ASPM: variants seen among roughly 807,000 people sequenced by gnomAD.
The protein encoded by ASPM is abnormal spindle-like microcephaly-associated protein.
A neutral mutation model predicts 366.4 loss-of-function variants in ASPM; 256 were observed. That is an observed-to-expected ratio of 0.70 (90% CI 0.63 to 0.77). The LOEUF (loss-of-function observed/expected upper bound fraction) is 0.77. Among genes scored for constraint, ASPM ranks in the 30% least tolerant of loss-of-function variants. ASPM has a pLI of 0.00. For synonymous variants in ASPM, 1,414 were observed against 1,342.9 expected (o/e 1.05, Z -1.16); for missense variants, 4,146 against 4,090.4 (o/e 1.01, Z -0.37).
In ASPM at chr1:197,129,378, A is replaced by C. The variant is rs79301608; in HGVS notation, c.2630-61T>G. ...CTATGAAAGGTAGGTTTCATCTTAA[A>C]ATATGATAATAATAATAATAAGGTG... On this transcript the variant is annotated intron_variant, in intron 8 of 27. Transcript: ENST00000367409. 1.1e-3 allele frequency: 1,747 copies of C among 1,527,072 alleles called. 20 individuals are homozygous for C. In the African/African-American group the frequency reaches 0.022, roughly 19 times the overall value. 94.6% of individuals were successfully genotyped at this position (1,527,072 alleles called of 1,614,324 possible).
chr1:197,145,562 A>T (rs1571633064), intron 1 of ASPM, among the ~76,000 whole-genome samples: 3 of 152,270 alleles, frequency 2.0e-5, no homozygotes, highest in Admixed American at 2.0e-4. Context: ...CTCTAAGGGT[A>T]CATATGGAAA....
Position 197,102,481 on chromosome 1 carries a change from C to T in ASPM, c.6770G>A (p.Arg2257Lys). 6.2e-7 allele frequency: 1 copy of T among 1,612,648 alleles called. No homozygotes were observed. Among genetic ancestry groups the T allele is most frequent in the South Asian group, 1.1e-5 (1 of 91,050 alleles). The change falls in exon 18 of 28, where the codon AGA becomes AAA. Residue 2257 changes from arginine to lysine, a missense_variant. Around this residue, in one of 3 missense-constraint regions of ASPM, gnomAD observed 3,624 missense variants for 3,591.7 expected, o/e 1.01. Coordinates refer to ENST00000367409, the MANE Select transcript of ASPM (RefSeq NM_018136.5). The stretch of plus-strand genomic sequence containing the variant: ...GGCTATATGCATCATTTTTAAATGT[C>T]TTCTAGCTTTCTTTCCCCTAAAAAT... ...QAIFRGKKAR[R>K]HLKMMHIAAT... is the part of the protein sequence containing the mutation.
chr1:197,132,133 C>T (rs41314023), intron 7 of ASPM, 152 bp downstream of exon 7: 9,939 of 575,232 alleles, frequency 0.017, 114 homozygotes, highest in Non-Finnish European at 0.024. Flanking sequence ...CATTTATTAA[C>T]GGGTATTACA....
chr1:197,121,918 A>C lies in ASPM; in HGVS notation c.3867T>G (p.His1289Gln). 1.2e-6 allele frequency: 2 copies of C among 1,607,652 alleles called. No individual in the cohort carries two copies. The highest frequency in any genetic ancestry group is 1.7e-6 in the Non-Finnish European group (2 of 1,174,872). Residue 1289 changes from histidine (H) to glutamine (Q), a missense_variant, in exon 16 of 28, where the codon CAT (histidine) becomes CAG (glutamine). Transcript: ENST00000367409. ...TAGTTTCATATTCTAGGAGTACCTG[A>C]TGGCGTTTGAGATCTGTTTTTAGTT... is the stretch of plus-strand genomic sequence containing the variant. ...KYKLKTDLKR[H>Q]QEREKAARII...
chr1:197,142,235 A>C (rs1485747431), intron 3 of ASPM, 96 bp downstream of exon 3: 1 of 1,321,252 alleles, frequency 7.6e-7, no homozygotes, highest in Non-Finnish European at 1.1e-6. Flanking sequence ...ATAAGTAAAA[A>C]CTATAATACA....
intron 7 of ASPM, among the ~76,000 whole-genome samples, chr1:197,132,013 G>A (rs1243170746): frequency 6.6e-6 from 1 of 152,116 alleles, no homozygotes; most frequent in East Asian, 1.9e-4. Context: ...GTTTACTATA[G>A]TTGTCATTAC....
chr1:197,132,490 A>T, intron 6 of ASPM, 138 bp from the exon 7 acceptor site: 1 of 711,800 alleles, frequency 1.4e-6, no homozygotes, highest in Non-Finnish European at 2.4e-6. Flanking sequence ...AAATACACTT[A>T]TAGTCTTAAA....
intron 18 of ASPM, among the ~76,000 whole-genome samples, chr1:197,099,572 A>C (rs1316145338): frequency 6.6e-6 from 1 of 151,582 alleles, no homozygotes; most frequent in Non-Finnish European, 1.5e-5. Context: ...TGAAACATAC[A>C]CTTCTCATGT....
intron 25 of ASPM, among the ~76,000 whole-genome samples, 181 bp from the exon 26 acceptor site, chr1:197,088,613 A>AT (rs1476051894): frequency 3.9e-5 from 6 of 152,154 alleles, no homozygotes; most frequent in African/African-American, 1.4e-4. Flanking sequence ...CGGATCTATC[A>AT]TATATGTGTA....
At position 197,095,937 on chromosome 1, in the gene ASPM, TAAA is replaced by T. The variant is rs528051389; in HGVS notation, c.8987+58_8987+60del. On this transcript the variant is annotated intron_variant, in intron 19 of 27. Coordinates refer to ENST00000367409, the MANE Select transcript of ASPM (RefSeq NM_018136.5). ...AATCAATAAGCAGTGTTATTTTATG[TAAA>T]GACTTAGCTATCACACACAAATACT... The T allele has an allele frequency of 8.7e-4, 1,210 of 1,386,506 alleles. 1 individual carries two copies. The highest frequency in any genetic ancestry group is 1.4e-3 in the South Asian group (107 of 77,870). The allele number at this position is 1,386,506 out of a possible 1,614,324, so 85.9% of individuals were successfully genotyped here.
intron 16 of ASPM, among the ~76,000 whole-genome samples, chr1:197,118,383 G>T (rs897368720): frequency 1.1e-4 from 16 of 152,010 alleles, no homozygotes; most frequent in East Asian, 1.9e-4. Context: ...TTAGAGAATT[G>T]TAACAATTTG....
At position 197,089,360 on chromosome 1, in the gene ASPM, C is replaced by G. The variant is rs910164194; in HGVS notation, c.9984+570G>C. 6.6e-5 allele frequency among the ~76,000 whole-genome samples: 10 copies of G among 151,996 alleles called. 1 individual carries two copies. Among genetic ancestry groups the G allele is most frequent in the Admixed American group, 1.3e-4 (2 of 15,246 alleles). On this transcript the variant is annotated intron_variant, in intron 25 of 27. Transcript: ENST00000367409. ...AGGCCAAAAGACAAATTCTGATACA[C>G]AGATTAACAATTACAGAGTAACTAA...
chr1:197,091,167 A>G (rs1460847526), intron 22 of ASPM, 126 bp from the exon 23 acceptor site: 1 of 894,176 alleles, frequency 1.1e-6, no homozygotes, highest in Non-Finnish European at 1.7e-6. Context: ...TCAGCTTTCC[A>G]CAGAGGCATT....
At chr1:197,088,497 A>T (rs1571587076) in intron 25 of ASPM, 65 bp from the exon 26 acceptor site, 1 of 1,463,874 alleles carries the variant, frequency 6.8e-7, no homozygotes, top group East Asian at 2.3e-5. Context: ...CAACCCAACC[A>T]AAAAAACAAA....
chr1:197,133,763 G>A (rs1172707360), intron 5 of ASPM, among the ~76,000 whole-genome samples, 168 bp from the exon 6 acceptor site: 2 of 152,096 alleles, frequency 1.3e-5, no homozygotes, highest in East Asian at 3.9e-4. Context: ...AGCTCTACCT[G>A]CAAAATGTAT....
chr1:197,113,891 A>G (rs922252819), intron 17 of ASPM, among the ~76,000 whole-genome samples: 2 of 152,224 alleles, frequency 1.3e-5, no homozygotes, highest in Non-Finnish European at 2.9e-5. Flanking sequence ...ACTACTCTGA[A>G]TACTACTACA....
chr1:197,132,167 G>A, intron 7 of ASPM, 118 bp downstream of exon 7: 1 of 754,506 alleles, frequency 1.3e-6, no homozygotes, highest in Non-Finnish European at 2.1e-6. Flanking sequence ...GATGAATCAA[G>A]CTAACCTAAT....
intron 1 of ASPM, among the ~76,000 whole-genome samples, chr1:197,145,278 T>C (rs1658731163): frequency 6.6e-6 from 1 of 152,192 alleles, no homozygotes; most frequent in African/African-American, 2.4e-5. Flanking sequence ...CTCCAGTCTT[T>C]GGTGAAGGGG....
chr1:197,140,812 A>G (rs1658556469), intron 3 of ASPM, among the ~76,000 whole-genome samples: 1 of 152,194 alleles, frequency 6.6e-6, no homozygotes. Context: ...AGACAAATTA[A>G]AACAGAGTCA....
Sources: gnomAD v4.1 joint callset for allele counts (sites outside exome capture counted in the v4.1 genomes callset) on GRCh38, gnomAD v4.1.1 for gene constraint, gnomAD v4.1.1 regional missense constraint, MANE v1.5 for transcripts, NCBI Gene and HGNC (gene_info 2026-07-23, HGNC 2026-07-21) for gene names.